Variants in TMEM163 observed in about 807,000 individuals in gnomAD.
The protein encoded by TMEM163 is transmembrane protein 163.
In TMEM163, 17 loss-of-function variants were observed where a neutral mutation model predicts 29.3. The ratio of observed to expected loss-of-function variants is 0.58; its 90% CI spans 0.40 to 0.87. The LOEUF is 0.87. Ranked by LOEUF, TMEM163 falls within the 40% of genes least tolerant of loss-of-function variation. TMEM163 has a pLI of 0.00. For synonymous variants in TMEM163, 157 were observed against 160.6 expected (o/e 0.98, Z 0.17); for missense variants, 303 against 381.5 (o/e 0.79, Z 1.71).
At chr2:134,580,153 G>T (rs1681659054) in intron 2 of TMEM163, among the ~76,000 whole-genome samples, 1 of 152,156 alleles carries the variant, frequency 6.6e-6, no homozygotes, top group Non-Finnish European at 1.5e-5. Flanking sequence ...TTCTTAAATT[G>T]AGACGATGTA....
chr2:134,687,210 A>T (rs772368846), intron 2 of TMEM163, among the ~76,000 whole-genome samples: 1 of 152,198 alleles, frequency 6.6e-6, no homozygotes, highest in Non-Finnish European at 1.5e-5. Flanking sequence ...AAAAATCTCC[A>T]CTTGCTAAAA....
chr2:134,639,433 T>C (rs1358658601), intron 2 of TMEM163, among the ~76,000 whole-genome samples: 1 of 152,204 alleles, frequency 6.6e-6, no homozygotes. Context: ...AGTACTGCCA[T>C]GGTCTCTTTT....
Position 134,713,218 on chromosome 2 carries a change from G to C in TMEM163, c.304C>G (p.Leu102Val). 1 of 1,614,112 alleles carries C rather than the reference G, an allele frequency of 6.2e-7. No individual in the cohort carries two copies. Among genetic ancestry groups the C allele is most frequent in the Non-Finnish European group, 8.5e-7 (1 of 1,180,006 alleles). Residue 102 changes from leucine to valine, a missense_variant, in exon 2 of 8, where the codon CTC (leucine) becomes GTC (valine). By Grantham distance (32) the Leu-to-Val change is conservative. Around this residue, in one of 2 missense-constraint regions of TMEM163, gnomAD observed 203 missense variants for 294.3 expected, o/e 0.69. Transcript: ENST00000281924. ...SWFSIIVTLALAVAAFTVSVM... is the reference protein window; with the variant it reads ...SWFSIIVTLAVAVAAFTVSVM... Reference sequence around the variant, plus strand: ...TACTCACTAAAGGCAGCCACCGCGAGGGCCAGGGTGACAATGATGGAGAAC... The same window carrying C: ...TACTCACTAAAGGCAGCCACCGCGACGGCCAGGGTGACAATGATGGAGAAC...
intron 5 of TMEM163, among the ~76,000 whole-genome samples, chr2:134,493,810 G>T (rs1002457756): frequency 1.3e-5 from 2 of 152,132 alleles, no homozygotes; most frequent in African/African-American, 2.4e-5. Flanking sequence ...TTGAATAAGG[G>T]TTGATGCCCC....
At chr2:134,679,248 G>A (rs566486740) in intron 2 of TMEM163, among the ~76,000 whole-genome samples, 96 of 152,310 alleles carry the variant, frequency 6.3e-4, no homozygotes, top group African/African-American at 1.6e-3. Context: ...ATGCTGGGGC[G>A]CACTCACTGA....
chr2:134,676,140 C>T (rs976548771), intron 2 of TMEM163, among the ~76,000 whole-genome samples: 3 of 152,216 alleles, frequency 2.0e-5, no homozygotes, highest in African/African-American at 7.2e-5. Context: ...AAGGCCCCGA[C>T]TTGCAGCATT....
At chr2:134,696,903 G>A (rs1051488932) in intron 2 of TMEM163, among the ~76,000 whole-genome samples, 10 of 152,086 alleles carry the variant, frequency 6.6e-5, no homozygotes, top group African/African-American at 2.2e-4. Context: ...AGCCCCCCGA[G>A]TAGCTGGGAT....
At chr2:134,575,080 G>C (rs574818957) in intron 2 of TMEM163, among the ~76,000 whole-genome samples, 243 of 152,228 alleles carry the variant, frequency 1.6e-3, no homozygotes, top group African/African-American at 5.7e-3. Flanking sequence ...TGGCGGTCCT[G>C]AGCATGCAAA....
chr2:134,625,993 C>T (rs1274918949), intron 2 of TMEM163, among the ~76,000 whole-genome samples: 1 of 145,632 alleles, frequency 6.9e-6, no homozygotes, highest in Non-Finnish European at 1.5e-5. Context: ...TATTAGTTTA[C>T]AATTGGACAT....
At chr2:134,684,999 G>A (rs1286400340) in intron 2 of TMEM163, among the ~76,000 whole-genome samples, 2 of 150,632 alleles carry the variant, frequency 1.3e-5, no homozygotes, top group Non-Finnish European at 2.9e-5. Flanking sequence ...GGCACTCCAA[G>A]AACGTCCATC....
chr2:134,583,605 G>A (rs1021736444), intron 2 of TMEM163, among the ~76,000 whole-genome samples: 3 of 152,190 alleles, frequency 2.0e-5, no homozygotes, highest in Non-Finnish European at 4.4e-5. Flanking sequence ...TGAAGGCAAT[G>A]GAGTTCTCGG....
chr2:134,712,631 C>T (rs1684949627), intron 2 of TMEM163, among the ~76,000 whole-genome samples: 1 of 152,158 alleles, frequency 6.6e-6, no homozygotes, highest in South Asian at 2.1e-4. Context: ...TTCCTAACCC[C>T]CAAACAGGAT....
At chr2:134,504,327 C>T (rs997621215) in intron 4 of TMEM163, among the ~76,000 whole-genome samples, 9 of 151,714 alleles carry the variant, frequency 5.9e-5, no homozygotes, top group African/African-American at 2.2e-4. Flanking sequence ...TGGAGCAAAA[C>T]ACAAAAAAGA....
chr2:134,666,561 T>C (rs1683876629), intron 2 of TMEM163, among the ~76,000 whole-genome samples: 3 of 152,220 alleles, frequency 2.0e-5, no homozygotes, highest in Non-Finnish European at 4.4e-5. Context: ...TCCACCTTCC[T>C]GCCTGGGGGC....
chr2:134,500,303 T>C (rs1412175508), intron 5 of TMEM163, among the ~76,000 whole-genome samples: 1 of 152,220 alleles, frequency 6.6e-6, no homozygotes, highest in Non-Finnish European at 1.5e-5. Flanking sequence ...ACCTGTTGGC[T>C]TCTATAAACC....
At chr2:134,500,369 C>T (rs1679670871) in intron 5 of TMEM163, among the ~76,000 whole-genome samples, 1 of 152,252 alleles carries the variant, frequency 6.6e-6, no homozygotes, top group South Asian at 2.1e-4. Flanking sequence ...CAGCTGCCAC[C>T]TGGCAGCATT....
At chr2:134,609,533 G>T (rs531183116) in intron 2 of TMEM163, among the ~76,000 whole-genome samples, 204 of 88,776 alleles carry the variant, frequency 2.3e-3, no homozygotes, top group African/African-American at 7.7e-3. Flanking sequence ...CCCGAGAACT[G>T]TACTGGTGAA....
At chr2:134,678,390 C>A (rs1257991038) in intron 2 of TMEM163, among the ~76,000 whole-genome samples, 1 of 152,236 alleles carries the variant, frequency 6.6e-6, no homozygotes, top group East Asian at 1.9e-4. Flanking sequence ...CTGTTATTCT[C>A]ATTGGCTGCC....
chr2:134,512,442 G>A (rs745629869), intron 4 of TMEM163, among the ~76,000 whole-genome samples: 1 of 152,228 alleles, frequency 6.6e-6, no homozygotes, highest in Non-Finnish European at 1.5e-5. Context: ...CTGGGCAACA[G>A]AGCAAGGCTC....
Sources: allele counts gnomAD v4.1 joint callset (sites outside exome capture counted in the v4.1 genomes callset), GRCh38; gene constraint gnomAD v4.1.1; regional missense constraint gnomAD v4.1.1; transcripts MANE v1.5; gene names NCBI Gene and HGNC (gene_info 2026-07-23, HGNC 2026-07-21).